Variants in LAMA4 observed in about 807,000 individuals in gnomAD.
LAMA4 encodes laminin subunit alpha-4.
A neutral mutation model predicts 207.1 loss-of-function variants in LAMA4; 127 were observed. That is an observed-to-expected ratio of 0.61 (90% confidence interval 0.53 to 0.71). The LOEUF (loss-of-function observed/expected upper bound fraction) is 0.71, where lower values mean the gene tolerates loss of function less well. LAMA4 is among the 30% of genes least tolerant of loss of function. LAMA4 has a pLI of 0.00. For synonymous variants in LAMA4, 761 were observed against 816.0 expected, an observed-to-expected ratio of 0.93 and a Z score of 1.15; for missense variants, 2,093 against 2,246.5, an observed-to-expected ratio of 0.93 and a Z score of 1.38.
intron 2 of LAMA4, among the ~76,000 whole-genome samples, chr6:112,220,093 A>G (rs1784841143): frequency 6.6e-6 from 1 of 152,208 alleles, no homozygotes; most frequent in Non-Finnish European, 1.5e-5. Context: ...AATCTTTGCT[A>G]ATAGACACAA....
rs1554334178 is a variant in LAMA4, at chr6:112,144,912, A to G, written c.2375T>C (p.Val792Ala). The G allele has an allele frequency of 1.2e-6, 2 of 1,613,936 alleles. No homozygotes were observed. The highest frequency in any genetic ancestry group is 2.2e-5 in the South Asian group (2 of 91,080). ...RDAVRNLTEV[V>A]PQLLDQLRTV... is the part of the protein sequence containing the mutation. ...ACGAAGCTGATCCAGGAGCTGAGGG[A>G]CAACCTCGGTCAGATTTCTTACTGC... is the stretch of plus-strand genomic sequence containing the variant. Residue 792 changes from valine (V) to alanine (A), a missense_variant, in exon 19 of 39, where the codon GTC becomes GCC. Val to Ala is a moderately conservative substitution (Grantham distance 64). Around this residue, in one of 3 missense-constraint regions of LAMA4, gnomAD observed 1,704 missense variants for 1,788.4 expected, o/e 0.95. Coordinates refer to ENST00000230538, the MANE Select transcript of LAMA4 (RefSeq NM_001105206.3).
At position 112,254,176 on chromosome 6, in the gene LAMA4, C is replaced by A; in HGVS notation, c.-26G>T. ...TTCTCCGCTGACATCCAGTAGTGCT[C>A]TTCCAGGGCTCGGGCGCTGTGGGTC... is the stretch of plus-strand genomic sequence containing the variant. On this transcript the variant is annotated 5_prime_UTR_variant, in exon 2 of 39. Transcript: ENST00000230538. 1 of 1,611,966 alleles carries A rather than the reference C, an allele frequency of 6.2e-7. No individual in the cohort carries two copies. The highest frequency in any genetic ancestry group is 1.1e-5 in the South Asian group (1 of 90,736).
intron 6 of LAMA4, among the ~76,000 whole-genome samples, chr6:112,189,749 T>C (rs915433892): frequency 2.6e-5 from 4 of 152,180 alleles, no homozygotes; most frequent in Non-Finnish European, 4.4e-5. Context: ...AAATGACAGC[T>C]ATGAGTGCAA....
rs75122050 is a variant in LAMA4, at chr6:112,224,835, G to C, written c.196-8366C>G. Reference sequence around the variant, plus strand: ...TCTCAAAAAAAAAAAAAAAAAAAAAGCAAACATTTTTGAAATTTCTTCCCT... The same window carrying C: ...TCTCAAAAAAAAAAAAAAAAAAAAACCAAACATTTTTGAAATTTCTTCCCT... On this transcript the variant is annotated intron_variant, in intron 2 of 38. Transcript: ENST00000230538. Among the ~76,000 whole-genome samples, 7 of 130,258 alleles carry C rather than the reference G, an allele frequency of 5.4e-5. No homozygotes were observed. In the East Asian group the frequency reaches 1.7e-3, roughly 31 times the overall value. The allele number at this position is 130,258 out of a possible 152,430, so 85.5% of individuals were successfully genotyped here. A position where few individuals can be genotyped will look rare whatever the true frequency, so the allele number is the denominator to read the frequency against.
At chr6:112,229,176 CCTGTGG>C (rs1468672658) in intron 2 of LAMA4, among the ~76,000 whole-genome samples, 1 of 152,150 alleles carries the variant, frequency 6.6e-6, no homozygotes, top group Non-Finnish European at 1.5e-5. Flanking sequence ...ACCAGAAATC[CCTGTGG>C]CTCATAGACT....
At chr6:112,206,816 A>G (rs1186243727) in intron 4 of LAMA4, among the ~76,000 whole-genome samples, 1 of 152,232 alleles carries the variant, frequency 6.6e-6, no homozygotes. Context: ...GAACACAGTC[A>G]TCATCTATAT....
Position 112,130,009 on chromosome 6 carries a change from C to T in LAMA4, c.4000G>A (p.Gly1334Arg), listed in dbSNP as rs782494367. 6.2e-7 allele frequency: 1 copy of T among 1,613,270 alleles called. No homozygotes were observed. The highest frequency in any genetic ancestry group is 8.5e-7 in the Non-Finnish European group (1 of 1,179,558). ...YELIVDKSRV[G>R]SKNPTKGKIE... is the part of the protein sequence containing the mutation. ...TTCCCTTTGGTAGGATTCTTACTCCCAACTCTGCTTTTATCTACTATCAGT... is the reference window on the plus strand; with the variant it reads ...TTCCCTTTGGTAGGATTCTTACTCCTAACTCTGCTTTTATCTACTATCAGT... Residue 1334 changes from glycine to arginine, a missense_variant, in exon 30 of 39, where the codon GGG becomes AGG. By Grantham distance (125) the Gly-to-Arg change is moderately radical. Transcript: ENST00000230538.
chr6:112,115,428 T>G (rs1056054190), intron 36 of LAMA4, among the ~76,000 whole-genome samples: 1 of 152,262 alleles, frequency 6.6e-6, no homozygotes, highest in South Asian at 2.1e-4. Flanking sequence ...TACAACATAA[T>G]TTTTTATTTC....
At chr6:112,240,002 G>A (rs781976080) in intron 2 of LAMA4, among the ~76,000 whole-genome samples, 1 of 152,004 alleles carries the variant, frequency 6.6e-6, no homozygotes, top group African/African-American at 2.4e-5. Flanking sequence ...CTTGCAGTGA[G>A]CCTAGGTCGC....
At chr6:112,160,636 A>C (rs1781000491) in intron 13 of LAMA4, among the ~76,000 whole-genome samples, 1 of 152,130 alleles carries the variant, frequency 6.6e-6, no homozygotes, top group African/African-American at 2.4e-5. Flanking sequence ...GGTTTGCTAC[A>C]GTGTTGGCCA....
chr6:112,109,718 A>C, intron 38 of LAMA4, 136 bp from the exon 39 acceptor site: 1 of 902,400 alleles, frequency 1.1e-6, no homozygotes, highest in Non-Finnish European at 1.7e-6. Flanking sequence ...CATAGTTATA[A>C]TTGACTCATT....
chr6:112,190,627 T>C (rs1011003429), intron 6 of LAMA4, among the ~76,000 whole-genome samples: 16 of 152,244 alleles, frequency 1.1e-4, no homozygotes, highest in African/African-American at 3.6e-4. Flanking sequence ...CTTCACTCTA[T>C]GTGGCAAATG....
At position 112,130,979 on chromosome 6, in the gene LAMA4, G is replaced by T; in HGVS notation, c.3957C>A (p.Val1319=). The T allele has an allele frequency of 6.2e-7, 1 of 1,613,128 alleles. No individual in the cohort carries two copies. The highest frequency in any genetic ancestry group is 8.5e-7 in the Non-Finnish European group (1 of 1,179,250). ...DGLSHFVISS[V]SPTRYELIVD... is the part of the protein sequence containing the mutation. ...GTGAGGAGCTATACCTTGTGGGTGA[G>T]ACAGAGCTAATGACGAAGTGGGACA... The change falls in exon 29 of 39, where the codon GTC becomes GTA. Residue 1319 remains valine (V), a synonymous_variant. Transcript: ENST00000230538.
chr6:112,228,070 A>C (rs1320130787), intron 2 of LAMA4, among the ~76,000 whole-genome samples: 3 of 152,334 alleles, frequency 2.0e-5, no homozygotes, highest in South Asian at 2.1e-4. Context: ...TCTATGACCC[A>C]AACTCAGACA....
At chr6:112,115,242 A>G (rs1252316878) in intron 36 of LAMA4, among the ~76,000 whole-genome samples, 1 of 152,212 alleles carries the variant, frequency 6.6e-6, no homozygotes, top group Non-Finnish European at 1.5e-5. Context: ...GTAAACACCA[A>G]GTAGGGATAC....
At chr6:112,138,281 T>C (rs548062524) in intron 24 of LAMA4, among the ~76,000 whole-genome samples, 12 of 152,176 alleles carry the variant, frequency 7.9e-5, no homozygotes, top group African/African-American at 1.2e-4. Context: ...GTGAATGTGA[T>C]TGAAAACTAT....
At chr6:112,216,313 C>A in intron 3 of LAMA4, 55 bp downstream of exon 3, 1 of 1,155,794 alleles carries the variant, frequency 8.7e-7, no homozygotes, top group South Asian at 1.2e-5. Flanking sequence ...TTATCTTCAC[C>A]CAAGATGCAA....
intron 3 of LAMA4, among the ~76,000 whole-genome samples, chr6:112,214,321 T>C (rs1784511149): frequency 1.3e-5 from 2 of 152,142 alleles, no homozygotes; most frequent in South Asian, 4.1e-4. Context: ...TAAACTCAAG[T>C]GATCCTCCTG....
At chr6:112,179,713 G>C (rs1782233494) in intron 9 of LAMA4, 1 of 228,170 alleles carries the variant, frequency 4.4e-6, no homozygotes, top group Non-Finnish European at 9.0e-6. Context: ...CTCTCAGATG[G>C]TCAAGGAAGA....
Sources: gnomAD v4.1 joint callset for allele counts (sites outside exome capture counted in the v4.1 genomes callset) on GRCh38, gnomAD v4.1.1 for gene constraint, gnomAD v4.1.1 regional missense constraint, MANE v1.5 for transcripts, NCBI Gene and HGNC (gene_info 2026-07-23, HGNC 2026-07-21) for gene names.